The following WRN variants were observed in gnomAD, a reference collection of about 807,000 sequenced individuals.
WRN encodes bifunctional 3'-5' exonuclease/ATP-dependent helicase WRN.
WRN carries 149 observed loss-of-function variants against 180.7 expected under a neutral mutation model. That is an observed-to-expected ratio of 0.82 (90% CI 0.72 to 0.94). The LOEUF (loss-of-function observed/expected upper bound fraction) is 0.94, where lower values mean the gene tolerates loss of function less well. Among genes scored for constraint, WRN ranks in the 40% least tolerant of loss-of-function variants. WRN has a pLI of 0.00. For missense variants in WRN, 1,661 were observed against 1,700.1 expected (o/e 0.98, Z 0.40); for synonymous variants, 548 against 568.9 (o/e 0.96, Z 0.52).
At chr8:31,086,338 C>T (rs145435485) in intron 11 of WRN, among the ~76,000 whole-genome samples, 1,695 of 152,010 alleles carry the variant, frequency 0.011, 48 homozygotes, top group African/African-American at 0.039. Context: ...TTTGGGAGGC[C>T]GAGGCAGGAG....
intron 33 of WRN, among the ~76,000 whole-genome samples, chr8:31,160,190 GATGATAACTTC>G (rs1803557254): frequency 6.6e-6 from 1 of 152,180 alleles, no homozygotes; most frequent in African/African-American, 2.4e-5. Flanking sequence ...CTAGCTTTCT[GATGATAACTTC>G]CCGTGCAGAT....
chr8:31,078,538 C>G (rs1290529210), intron 8 of WRN, among the ~76,000 whole-genome samples: 5 of 152,118 alleles, frequency 3.3e-5, no homozygotes, highest in Non-Finnish European at 5.9e-5. Flanking sequence ...GAAGTGACAG[C>G]TGACAATCTG....
intron 24 of WRN, among the ~76,000 whole-genome samples, chr8:31,137,356 G>A (rs1802439710): frequency 6.6e-6 from 1 of 152,014 alleles, no homozygotes; most frequent in Non-Finnish European, 1.5e-5. Context: ...GTAATTTTTA[G>A]TGTTTAGAGA....
intron 3 of WRN, among the ~76,000 whole-genome samples, chr8:31,060,102 A>G (rs902384227): frequency 1.2e-4 from 19 of 152,034 alleles, no homozygotes; most frequent in Admixed American, 1.2e-3. Flanking sequence ...AACAAAAAAC[A>G]TTAGAAATGT....
In WRN at chr8:31,158,736, G is replaced by C. The variant is rs1003896110; in HGVS notation, c.3982+1206G>C. On this transcript the variant is annotated intron_variant, in intron 33 of 34. Transcript: ENST00000298139. ...AGAAGACAGGATTATTTCTAGACTTGAGTGTGACTTGACTGAAGGTCTAAA... is the reference window on the plus strand; with the variant it reads ...AGAAGACAGGATTATTTCTAGACTTCAGTGTGACTTGACTGAAGGTCTAAA... Among the ~76,000 whole-genome samples the C allele has an allele frequency of 2.0e-5, 3 of 152,012 alleles. No individual in the cohort carries two copies. In the South Asian group the frequency reaches 6.2e-4, roughly 32 times the overall value.
intron 3 of WRN, among the ~76,000 whole-genome samples, chr8:31,060,860 G>C (rs914911601): frequency 1.1e-4 from 17 of 152,186 alleles, no homozygotes; most frequent in African/African-American, 4.1e-4. Flanking sequence ...CAGAGTTTTT[G>C]TGTTTGCTTT....
At chr8:31,102,786 T>G (rs1424609157) in intron 18 of WRN, among the ~76,000 whole-genome samples, 1 of 152,176 alleles carries the variant, frequency 6.6e-6, no homozygotes, top group Non-Finnish European at 1.5e-5. Flanking sequence ...ATTGTACACT[T>G]AGGCGACACT....
At chr8:31,061,621 A>T (rs751762383) in intron 3 of WRN, among the ~76,000 whole-genome samples, 9 of 151,736 alleles carry the variant, frequency 5.9e-5, no homozygotes, top group Non-Finnish European at 1.2e-4. Context: ...TCAGACATCT[A>T]AGTTACCTGA....
rs1801523815 is a variant in WRN, at chr8:31,116,444, T to A, written c.2364T>A (p.Asn788Lys). 6.2e-7 allele frequency: 1 copy of A among 1,613,952 alleles called. No individual in the cohort carries two copies. The highest frequency in any genetic ancestry group is 8.5e-7 in the Non-Finnish European group (1 of 1,179,962). ...QQVTGELRKL[N>K]LSCGTYHAGM... is the part of the protein sequence containing the mutation. ...TTACAGGTGAACTTAGGAAACTGAA[T>A]CTATCCTGTGGAACATACCATGCGG... Residue 788 changes from asparagine to lysine, a missense_variant, in exon 20 of 35, where the codon AAT becomes AAA. Asn to Lys is a moderately conservative substitution (Grantham distance 94). This residue lies in a region of WRN where 1,141 missense variants were observed against 1,149.4 expected (regional missense o/e 0.99). Coordinates refer to ENST00000298139, the MANE Select transcript of WRN (RefSeq NM_000553.6).
intron 1 of WRN, among the ~76,000 whole-genome samples, chr8:31,057,388 G>T (rs1055725286): frequency 7.9e-5 from 12 of 151,966 alleles, no homozygotes; most frequent in South Asian, 4.2e-4. Context: ...GGCTAACATG[G>T]TGAAACCCCG....
In WRN at chr8:31,143,617, A is replaced by G. The variant is rs1802747616; in HGVS notation, c.3377A>G (p.Lys1126Arg). Reference sequence around the variant, plus strand: ...ATTTCTTCTGGGAGTAACATTTCTAAAAAAAGGTACAGAGTTCCATATTTC... The same window carrying G: ...ATTTCTTCTGGGAGTAACATTTCTAGAAAAAGGTACAGAGTTCCATATTTC... ...DKISSGSNISKKSIMVQSPEK... is the reference protein window; with the variant it reads ...DKISSGSNISRKSIMVQSPEK... Residue 1126 changes from lysine (K) to arginine (R), a missense_variant, in exon 28 of 35, where the codon AAA (lysine) becomes AGA (arginine). By Grantham distance (26) the Lys-to-Arg change is conservative. Around this residue, in one of 3 missense-constraint regions of WRN, gnomAD observed 1,141 missense variants for 1,149.4 expected, o/e 0.99. Transcript: ENST00000298139. 1 of 1,584,102 alleles carries G rather than the reference A, an allele frequency of 6.3e-7. No homozygotes were observed.
intron 1 of WRN, among the ~76,000 whole-genome samples, chr8:31,034,352 A>G (rs1381454580): frequency 6.6e-6 from 1 of 152,068 alleles, no homozygotes; most frequent in Non-Finnish European, 1.5e-5. Context: ...GTGATGATGG[A>G]TATTTTTGAG....
intron 18 of WRN, among the ~76,000 whole-genome samples, chr8:31,102,332 A>G (rs1372468748): frequency 1.3e-5 from 2 of 152,196 alleles, no homozygotes; most frequent in South Asian, 2.1e-4. Context: ...TTTTCACTCA[A>G]CATAACTACC....
At chr8:31,130,011 A>AAAC (rs1802087797) in intron 23 of WRN, among the ~76,000 whole-genome samples, 3 of 115,238 alleles carry the variant, frequency 2.6e-5, no homozygotes, top group South Asian at 2.8e-4. Context: ...TCTCAAAAAA[A>AAAC]AAACAAAACA....
intron 1 of WRN, among the ~76,000 whole-genome samples, chr8:31,036,002 C>T (rs1044032871): frequency 6.6e-6 from 1 of 152,150 alleles, no homozygotes; most frequent in South Asian, 2.1e-4. Flanking sequence ...TCATTAACAG[C>T]CTCTCTTCAT....
chr8:31,174,023 C>A lies in WRN; in HGVS notation c.*921C>A, dbSNP rs998453663. Among the ~76,000 whole-genome samples, 8 of 152,070 alleles carry A rather than the reference C, an allele frequency of 5.3e-5. No individual in the cohort carries two copies. Among genetic ancestry groups the A allele is most frequent in the African/African-American group, 1.9e-4 (8 of 41,402 alleles). ...ATCTGTCATAGAAGAACTAGAAAAT[C>A]CAGGGAAGTGAGAAAAATGAAAATA... On this transcript the variant is annotated 3_prime_UTR_variant, in exon 35 of 35. Coordinates refer to ENST00000298139, the MANE Select transcript of WRN (RefSeq NM_000553.6).
intron 31 of WRN, among the ~76,000 whole-genome samples, chr8:31,152,925 C>T (rs953654777): frequency 6.6e-6 from 1 of 152,030 alleles, no homozygotes; most frequent in Non-Finnish European, 1.5e-5. Context: ...AGCCTGTAAT[C>T]CCAGCTATTT....
In WRN at chr8:31,066,601, T is replaced by A. The variant is rs539142399; in HGVS notation, c.505-432T>A. Among the ~76,000 whole-genome samples the A allele has an allele frequency of 2.3e-3, 332 of 145,516 alleles. 1 individual carries two copies. The highest frequency in any genetic ancestry group is 2.8e-3 in the Non-Finnish European group (184 of 66,130). Reference sequence around the variant, plus strand: ...TGTATACCAGTAACTTAAAAAAAAATTTTTTTTTTTTTAAGGGAGAGCATA... The same window carrying A: ...TGTATACCAGTAACTTAAAAAAAAAATTTTTTTTTTTTAAGGGAGAGCATA... On this transcript the variant is annotated intron_variant, in intron 5 of 34. Coordinates refer to ENST00000298139, the MANE Select transcript of WRN (RefSeq NM_000553.6).
intron 9 of WRN, among the ~76,000 whole-genome samples, chr8:31,082,127 A>G (rs1361563831): frequency 2.0e-5 from 3 of 152,152 alleles, no homozygotes; most frequent in Non-Finnish European, 4.4e-5. Flanking sequence ...GCTTGACACT[A>G]TAGTTTTACT....
Sources: gnomAD v4.1 joint callset for allele counts (sites outside exome capture counted in the v4.1 genomes callset) on GRCh38, gnomAD v4.1.1 for gene constraint, gnomAD v4.1.1 regional missense constraint, MANE v1.5 for transcripts, NCBI Gene and HGNC (gene_info 2026-07-23, HGNC 2026-07-21) for gene names.